DLC1: variants seen among roughly 807,000 people sequenced by gnomAD.
DLC1 encodes rho GTPase-activating protein 7.
In DLC1, 54 loss-of-function variants were observed where a neutral mutation model predicts 140.3. The observed-to-expected ratio is 0.38, with a 90% confidence interval of 0.31 to 0.48. The LOEUF (loss-of-function observed/expected upper bound fraction) is 0.48, where lower values mean the gene tolerates loss of function less well. Ranked by LOEUF, DLC1 falls within the 20% of genes least tolerant of loss-of-function variation. The probability of loss-of-function intolerance (pLI) is 0.96; values close to 1 mark genes in which losing one functional copy is unlikely to be tolerated. For missense variants in DLC1, 2,536 were observed against 1,907.0 expected, an observed-to-expected ratio of 1.33 and a Z score of -6.14; for synonymous variants, 986 against 728.1, an observed-to-expected ratio of 1.35 and a Z score of -5.70.
At chr8:13,474,686 G>A (rs1025801948) in intron 2 of DLC1, among the ~76,000 whole-genome samples, 1 of 152,194 alleles carries the variant, frequency 6.6e-6, no homozygotes, top group Non-Finnish European at 1.5e-5. Flanking sequence ...TCTTGCACCA[G>A]CCTCATCTGG....
intron 4 of DLC1, among the ~76,000 whole-genome samples, chr8:13,359,655 G>C (rs1338948855): frequency 1.3e-5 from 2 of 152,158 alleles, no homozygotes; most frequent in Non-Finnish European, 2.9e-5. Flanking sequence ...AATGCTTCCA[G>C]TTACTGAAGA....
At chr8:13,427,443 C>T (rs1563337533) in intron 2 of DLC1, among the ~76,000 whole-genome samples, 1 of 152,316 alleles carries the variant, frequency 6.6e-6, no homozygotes, top group East Asian at 1.9e-4. Flanking sequence ...TAATTTCACA[C>T]CAATTCTTTC....
intron 5 of DLC1, among the ~76,000 whole-genome samples, chr8:13,256,150 A>C (rs1011127265): frequency 6.6e-6 from 1 of 152,196 alleles, no homozygotes; most frequent in Non-Finnish European, 1.5e-5. Context: ...ATGATTTTCA[A>C]TTGAATGAAT....
intron 2 of DLC1, among the ~76,000 whole-genome samples, chr8:13,407,150 C>A (rs963601312): frequency 1.3e-5 from 2 of 152,166 alleles, no homozygotes; most frequent in East Asian, 3.9e-4. Flanking sequence ...GATGTCCAAG[C>A]CCATGGTGGT....
At chr8:13,501,272 A>G (rs914599918) in intron 1 of DLC1, among the ~76,000 whole-genome samples, 2 of 152,312 alleles carry the variant, frequency 1.3e-5, no homozygotes, top group Admixed American at 6.5e-5. Context: ...GAATACAAAC[A>G]CATACCAGGT....
intron 2 of DLC1, among the ~76,000 whole-genome samples, chr8:13,475,254 C>CT (rs1800386706): frequency 6.6e-6 from 1 of 152,092 alleles, no homozygotes. Context: ...TTAAAACAGC[C>CT]TTTAAAAAAA....
intron 5 of DLC1, among the ~76,000 whole-genome samples, chr8:13,251,267 C>A (rs1357354919): frequency 6.6e-6 from 1 of 152,158 alleles, no homozygotes; most frequent in African/African-American, 2.4e-5. Context: ...AACACAGTAA[C>A]ATCGGGGTTA....
At chr8:13,439,181 G>A (rs1380683631) in intron 2 of DLC1, among the ~76,000 whole-genome samples, 1 of 152,088 alleles carries the variant, frequency 6.6e-6, no homozygotes, top group Non-Finnish European at 1.5e-5. Flanking sequence ...AAAATTAGTT[G>A]GGCGTGGTGG....
At chr8:13,530,707 T>A (rs917246751) in intron 1 of DLC1, among the ~76,000 whole-genome samples, 1 of 152,154 alleles carries the variant, frequency 6.6e-6, no homozygotes, top group African/African-American at 2.4e-5. Flanking sequence ...TTGTTCCAAT[T>A]TTACATTAGT....
intron 1 of DLC1, among the ~76,000 whole-genome samples, chr8:13,601,656 C>G (rs532009334): frequency 1.4e-5 from 2 of 146,976 alleles, no homozygotes; most frequent in South Asian, 4.3e-4. Context: ...AAAAAAAAAA[C>G]AAAACAAAAC....
intron 5 of DLC1, among the ~76,000 whole-genome samples, chr8:13,269,784 G>A (rs1212787564): frequency 1.3e-5 from 2 of 150,610 alleles, no homozygotes; most frequent in South Asian, 2.1e-4. Context: ...ATGGCCAGGC[G>A]CAGTGGCCCG....
intron 1 of DLC1, chr8:13,583,822 T>C (rs992276949): frequency 5.9e-5 from 9 of 152,248 alleles, no homozygotes; most frequent in Admixed American, 2.0e-4. Context: ...TTGTCTTGAG[T>C]GTCCTTGGCT....
intron 5 of DLC1, among the ~76,000 whole-genome samples, chr8:13,155,533 G>C (rs1010685849): frequency 1.3e-5 from 2 of 151,940 alleles, no homozygotes; most frequent in African/African-American, 4.8e-5. Flanking sequence ...GCCTCAGGAA[G>C]TTAATTAATA....
At chr8:13,154,225 C>T (rs1824069103) in intron 5 of DLC1, among the ~76,000 whole-genome samples, 1 of 152,234 alleles carries the variant, frequency 6.6e-6, no homozygotes. Context: ...CGCTCCTCAG[C>T]CCTCGGGTGG....
chr8:13,519,845 T>A (rs1802709892), upstream of DLC1, among the ~76,000 whole-genome samples: 1 of 152,222 alleles, frequency 6.6e-6, no homozygotes, highest in Non-Finnish European at 1.5e-5. Context: ...AAGAAGACGT[T>A]TATGTAGCAA....
intron 4 of DLC1, among the ~76,000 whole-genome samples, chr8:13,334,874 C>G (rs1184312632): frequency 1.3e-5 from 2 of 152,204 alleles, no homozygotes; most frequent in East Asian, 1.9e-4. Context: ...AGGCGCTGCT[C>G]TAAGCCCTTT....
chr8:13,562,639 G>T (rs527869260), intron 1 of DLC1, among the ~76,000 whole-genome samples: 1 of 152,250 alleles, frequency 6.6e-6, no homozygotes, highest in East Asian at 1.9e-4. Flanking sequence ...TATGTGTACT[G>T]CCTGTGGAGG....
chr8:13,209,202 A>T (rs964044239), intron 5 of DLC1, among the ~76,000 whole-genome samples: 2 of 152,176 alleles, frequency 1.3e-5, no homozygotes, highest in African/African-American at 4.8e-5. Context: ...ATATTGATGT[A>T]TGATGTTTGT....
chr8:13,548,743 A>G (rs1402501171), intron 1 of DLC1, among the ~76,000 whole-genome samples: 2 of 152,072 alleles, frequency 1.3e-5, no homozygotes, highest in Non-Finnish European at 1.5e-5. Flanking sequence ...CCACCTGTTA[A>G]TAAACATCAA....
Sources: gnomAD v4.1 joint callset for allele counts (sites outside exome capture counted in the v4.1 genomes callset) on GRCh38, gnomAD v4.1.1 for gene constraint, MANE v1.5 for transcripts, NCBI Gene and HGNC (gene_info 2026-07-23, HGNC 2026-07-21) for gene names.